RTN3: variants seen among roughly 807,000 people sequenced by gnomAD.
The protein encoded by RTN3 is reticulon-3.
A neutral mutation model predicts 77.8 loss-of-function variants in RTN3; 49 were observed. The observed-to-expected ratio is 0.63, with a 90% CI of 0.50 to 0.80. The LOEUF (loss-of-function observed/expected upper bound fraction) is 0.80. Ranked by LOEUF, RTN3 falls within the 30% of genes least tolerant of loss-of-function variation. The pLI is 0.00. For missense variants in RTN3, 1,236 were observed against 1,211.9 expected (o/e 1.02, Z -0.29); for synonymous variants, 464 against 446.9 (o/e 1.04, Z -0.48).
In RTN3 at chr11:63,741,201, A is replaced by T. The variant is rs866126336; in HGVS notation, c.2531-8790A>T. Among the ~76,000 whole-genome samples the T allele has an allele frequency of 2.6e-3, 361 of 138,896 alleles. 3 individuals carry two copies. The highest frequency in any genetic ancestry group is 5.1e-3 in the South Asian group (22 of 4,300). The allele number at this position is 138,896 out of a possible 152,430, so 91.1% of individuals were successfully genotyped here. A position where few individuals can be genotyped will look rare whatever the true frequency, so the allele number is the denominator to read the frequency against. ...TTTTATTATAGTTATTTATTTATTT[A>T]TTTATTTATTTATTTTTTGAGATGG... On this transcript the variant is annotated intron_variant, in intron 3 of 8. Coordinates refer to ENST00000377819, the MANE Select transcript of RTN3 (RefSeq NM_001265589.2).
intron 1 of RTN3, among the ~76,000 whole-genome samples, chr11:63,682,633 G>A (rs1941121330): frequency 6.6e-6 from 1 of 151,270 alleles, no homozygotes; most frequent in Non-Finnish European, 1.5e-5. Context: ...TAACAAAGGG[G>A]GGTGTTTATT....
chr11:63,706,211 T>C (rs796404077), intron 2 of RTN3, among the ~76,000 whole-genome samples: 22 of 152,268 alleles, frequency 1.4e-4, no homozygotes, highest in African/African-American at 5.3e-4. Context: ...AGATAGGGTC[T>C]CACTCTGTCA....
At chr11:63,690,767 ATCC>A (rs1275021054) in intron 1 of RTN3, among the ~76,000 whole-genome samples, 2 of 152,134 alleles carry the variant, frequency 1.3e-5, no homozygotes, top group Non-Finnish European at 2.9e-5. Context: ...TGGTCACTTC[ATCC>A]TCCTCTTAAC....
At chr11:63,691,099 T>C (rs1318973309) in intron 1 of RTN3, among the ~76,000 whole-genome samples, 1 of 151,786 alleles carries the variant, frequency 6.6e-6, no homozygotes, top group East Asian at 1.9e-4. Context: ...TTCTTGAGAT[T>C]TAATATTGCT....
intron 3 of RTN3, among the ~76,000 whole-genome samples, chr11:63,724,627 G>A (rs1430800275): frequency 6.6e-6 from 1 of 151,062 alleles, no homozygotes; most frequent in Non-Finnish European, 1.5e-5. Flanking sequence ...AAGTAGCTGG[G>A]ATTACAGGTG....
At chr11:63,740,148 C>T (rs944688816) in intron 3 of RTN3, among the ~76,000 whole-genome samples, 2 of 152,082 alleles carry the variant, frequency 1.3e-5, no homozygotes, top group African/African-American at 2.4e-5. Context: ...CCTCTGTCTC[C>T]GTATATCATT....
At chr11:63,694,080 C>T (rs954331835) in intron 1 of RTN3, among the ~76,000 whole-genome samples, 1 of 151,942 alleles carries the variant, frequency 6.6e-6, no homozygotes, top group African/African-American at 2.4e-5. Flanking sequence ...ACTACCACTG[C>T]ACTCCATCCT....
chr11:63,749,900 T>C, intron 3 of RTN3, 91 bp from the exon 4 acceptor site: 1 of 903,044 alleles, frequency 1.1e-6, no homozygotes, highest in Non-Finnish European at 1.8e-6. Context: ...GGCATACCTG[T>C]ATTTGTGTGC....
At chr11:63,697,995 T>C (rs1005103779) in intron 1 of RTN3, among the ~76,000 whole-genome samples, 2 of 152,180 alleles carry the variant, frequency 1.3e-5, no homozygotes. Context: ...TTATCACCCG[T>C]ATTTCCCATA....
intron 3 of RTN3, 61 bp from the exon 4 acceptor site, chr11:63,749,930 T>G: frequency 8.3e-7 from 1 of 1,206,796 alleles, no homozygotes; most frequent in Middle Eastern, 1.9e-4. Flanking sequence ...GCTCCACAGG[T>G]ATGCAAGACA....
At chr11:63,743,498 T>G (rs575093379) in intron 3 of RTN3, among the ~76,000 whole-genome samples, 1 of 152,310 alleles carries the variant, frequency 6.6e-6, no homozygotes, top group African/African-American at 2.4e-5. Context: ...AAATGGAGAA[T>G]TATTTTGATT....
chr11:63,722,368 G>T (rs749588706), intron 3 of RTN3, among the ~76,000 whole-genome samples: 20 of 152,154 alleles, frequency 1.3e-4, no homozygotes, highest in Non-Finnish European at 8.8e-5. Context: ...ACTGGAAACT[G>T]TAGGTAGATT....
In RTN3 at chr11:63,715,165, T is replaced by C. The variant is rs533836607; in HGVS notation, c.200-3537T>C. On this transcript the variant is annotated intron_variant, in intron 2 of 8. Transcript: ENST00000377819. The stretch of plus-strand genomic sequence containing the variant: ...TTATTGATTTTGCTTATTGTCTGCC[T>C]TCCCCTCTGTGTTGTAAGCTCCATA... 6.6e-5 allele frequency among the ~76,000 whole-genome samples: 10 copies of C among 152,348 alleles called. No individual in the cohort carries two copies. The South Asian group carries it at 2.1e-3, about 32-fold the overall frequency.
At position 63,696,543 on chromosome 11, in the gene RTN3, ATTTTTTTT is replaced by A. The variant is rs71039663; in HGVS notation, c.143-8296_143-8289del. Among the ~76,000 whole-genome samples the A allele has an allele frequency of 6.9e-3, 818 of 118,360 alleles. 7 individuals are homozygous for A. The highest frequency in any genetic ancestry group is 9.0e-3 in the Non-Finnish European group (546 of 60,576). The allele number at this position is 118,360 out of a possible 152,430, so 77.6% of individuals were successfully genotyped here. ...GATAACATAGTGGGGCCCTGTCACTATTTTTTTTTTTTTTTTTTTGGAGACGGAGTCTT... is the reference window on the plus strand; with the variant it reads ...GATAACATAGTGGGGCCCTGTCACTATTTTTTTTTTTGGAGACGGAGTCTT... On this transcript the variant is annotated intron_variant, in intron 1 of 8. Coordinates refer to ENST00000377819, the MANE Select transcript of RTN3 (RefSeq NM_001265589.2).
At chr11:63,731,007 A>C (rs181209548) in intron 3 of RTN3, among the ~76,000 whole-genome samples, 106 of 152,314 alleles carry the variant, frequency 7.0e-4, no homozygotes, top group Non-Finnish European at 1.4e-3. Context: ...CAAGTGTATA[A>C]GGTATGCATT....
At chr11:63,739,528 C>T (rs1270941476) in intron 3 of RTN3, among the ~76,000 whole-genome samples, 1 of 152,188 alleles carries the variant, frequency 6.6e-6, no homozygotes, top group Non-Finnish European at 1.5e-5. Flanking sequence ...ACATAGCACA[C>T]CCAAAGAAAA....
chr11:63,753,804 A>G (rs1472786903), intron 7 of RTN3, 96 bp downstream of exon 7: 20 of 1,130,224 alleles, frequency 1.8e-5, no homozygotes, highest in Non-Finnish European at 2.2e-5. Context: ...CAGTCTTTTT[A>G]TAACTATTTC....
intron 3 of RTN3, among the ~76,000 whole-genome samples, chr11:63,729,798 T>C (rs2012561663): frequency 6.6e-6 from 1 of 151,490 alleles, no homozygotes; most frequent in Admixed American, 6.6e-5. Context: ...TATAAATATA[T>C]ATATATTTGG....
At chr11:63,685,254 G>T (rs1254568840) in intron 1 of RTN3, among the ~76,000 whole-genome samples, 8 of 151,802 alleles carry the variant, frequency 5.3e-5, no homozygotes, top group Non-Finnish European at 4.4e-5. Context: ...CAACACTTTG[G>T]GAGGCTGAGG....
Sources: gnomAD v4.1 joint callset for allele counts (sites outside exome capture counted in the v4.1 genomes callset) on GRCh38, gnomAD v4.1.1 for gene constraint, MANE v1.5 for transcripts, NCBI Gene and HGNC (gene_info 2026-07-23, HGNC 2026-07-21) for gene names.